The following REC114 variants were observed in gnomAD, a reference collection of about 807,000 sequenced individuals.
REC114 encodes REC114 meiotic recombination protein.
Under a neutral mutation model 31.3 loss-of-function variants are expected in REC114, and 27 were observed. That is an observed-to-expected ratio of 0.86 (90% CI 0.64 to 1.19). REC114 has a LOEUF of 1.19. Ranked by LOEUF, REC114 falls within the 50% of genes most tolerant of loss-of-function variation. The pLI is 0.00. For missense variants in REC114, 344 were observed against 326.9 expected (o/e 1.05, Z -0.40); for synonymous variants, 134 against 127.7 (o/e 1.05, Z -0.33).
chr15:73,519,470 A>C (rs1252965068), intron 2 of REC114, among the ~76,000 whole-genome samples: 2 of 152,234 alleles, frequency 1.3e-5, no homozygotes, highest in Non-Finnish European at 2.9e-5. Flanking sequence ...AGCAGCTAGA[A>C]TGGACTAAGA....
intron 1 of REC114, among the ~76,000 whole-genome samples, chr15:73,451,262 G>A (rs1218715794): frequency 2.0e-5 from 3 of 152,080 alleles, no homozygotes. Flanking sequence ...AAAAGGAGTA[G>A]AATTAAATAG....
intron 2 of REC114, among the ~76,000 whole-genome samples, chr15:73,478,054 AG>A (rs1377199989): frequency 6.6e-6 from 1 of 152,000 alleles, no homozygotes; most frequent in African/African-American, 2.4e-5. Flanking sequence ...ACCTGAGATC[AG>A]GAGTTCGAGA....
intron 1 of REC114, among the ~76,000 whole-genome samples, chr15:73,458,052 G>A (rs1892940610): frequency 6.6e-6 from 1 of 152,160 alleles, no homozygotes; most frequent in South Asian, 2.1e-4. Flanking sequence ...CCTGTGCTAG[G>A]CCTACTGAAT....
chr15:73,538,104 A>T (rs2141328722), intron 2 of REC114, among the ~76,000 whole-genome samples: 1 of 152,340 alleles, frequency 6.6e-6, no homozygotes, highest in Admixed American at 6.5e-5. Flanking sequence ...TTTAAATTTA[A>T]TTTAATTTAA....
At chr15:73,545,393 C>G (rs2141332686) in intron 3 of REC114, among the ~76,000 whole-genome samples, 1 of 152,314 alleles carries the variant, frequency 6.6e-6, no homozygotes, top group Non-Finnish European at 1.5e-5. Context: ...TCAAGACTTT[C>G]AATCTTTAGC....
intron 4 of REC114, among the ~76,000 whole-genome samples, chr15:73,555,457 C>T (rs1894452244): frequency 6.6e-6 from 1 of 152,172 alleles, no homozygotes; most frequent in African/African-American, 2.4e-5. Flanking sequence ...CCATGTCCTA[C>T]CCGAGAACAA....
At chr15:73,449,283 C>A (rs1892811902) in intron 1 of REC114, among the ~76,000 whole-genome samples, 1 of 152,062 alleles carries the variant, frequency 6.6e-6, no homozygotes, top group Non-Finnish European at 1.5e-5. Flanking sequence ...CTAGAATAAC[C>A]TGTTTAGAAA....
intron 1 of REC114, among the ~76,000 whole-genome samples, chr15:73,448,576 G>T (rs1892800415): frequency 6.6e-6 from 1 of 152,226 alleles, no homozygotes; most frequent in Non-Finnish European, 1.5e-5. Context: ...CACAGCTTCA[G>T]CAGACTTAAA....
rs534874520 is a variant in REC114, at chr15:73,532,619, T to C, written c.250-7866T>C. Among the ~76,000 whole-genome samples, 7 of 152,238 alleles carry C rather than the reference T, an allele frequency of 4.6e-5. No homozygotes were observed. The East Asian group carries it at 1.4e-3, about 29-fold the overall frequency. On this transcript the variant is annotated intron_variant, in intron 2 of 5. Coordinates refer to ENST00000331090, the MANE Select transcript of REC114 (RefSeq NM_001042367.2). Reference sequence around the variant, plus strand: ...CCCACCAACAGTGTAAAAGTGTTCCTATTTCTCCACATCCTCTCCAGCACT... The same window carrying C: ...CCCACCAACAGTGTAAAAGTGTTCCCATTTCTCCACATCCTCTCCAGCACT...
chr15:73,481,951 G>A (rs538720846), intron 2 of REC114, among the ~76,000 whole-genome samples: 5 of 152,096 alleles, frequency 3.3e-5, no homozygotes, highest in East Asian at 3.9e-4. Context: ...GAGCCACTGC[G>A]CCTGGCCTAT....
At chr15:73,463,152 A>G (rs1893013315) in intron 1 of REC114, among the ~76,000 whole-genome samples, 1 of 152,186 alleles carries the variant, frequency 6.6e-6, no homozygotes, top group African/African-American at 2.4e-5. Context: ...AACATGGCCA[A>G]AAATTGTGAT....
intron 2 of REC114, among the ~76,000 whole-genome samples, chr15:73,540,138 T>A (rs1379188024): frequency 6.6e-6 from 1 of 152,186 alleles, no homozygotes; most frequent in Non-Finnish European, 1.5e-5. Context: ...ATGGAACCCT[T>A]GATTTGGGGG....
chr15:73,516,991 C>A (rs1893867396), intron 2 of REC114, among the ~76,000 whole-genome samples: 1 of 152,202 alleles, frequency 6.6e-6, no homozygotes. Context: ...CGATTTCATT[C>A]ATCCCAAAAT....
intron 2 of REC114, among the ~76,000 whole-genome samples, chr15:73,502,487 ATTC>A (rs1216575508): frequency 1.3e-5 from 2 of 152,216 alleles, no homozygotes; most frequent in African/African-American, 4.8e-5. Flanking sequence ...TACATACTGT[ATTC>A]TTATGATAAA....
chr15:73,473,128 G>T (rs764041202), intron 1 of REC114, among the ~76,000 whole-genome samples: 9 of 152,108 alleles, frequency 5.9e-5, no homozygotes, highest in Non-Finnish European at 1.2e-4. Flanking sequence ...GATGGCTCAC[G>T]CCTGTAATCC....
intron 3 of REC114, 134 bp downstream of exon 3, chr15:73,540,702 G>GA: frequency 1.3e-6 from 1 of 765,840 alleles, no homozygotes; most frequent in South Asian, 1.6e-5. Flanking sequence ...TGTACTATGA[G>GA]AAAAACATGA....
At chr15:73,517,308 ATCTC>A (rs1009862154) in intron 2 of REC114, among the ~76,000 whole-genome samples, 1 of 152,246 alleles carries the variant, frequency 6.6e-6, no homozygotes, top group African/African-American at 2.4e-5. Context: ...TAAAAAAGGT[ATCTC>A]TCAAACAAAG....
chr15:73,552,287 A>C (rs1894403893), intron 4 of REC114, among the ~76,000 whole-genome samples: 1 of 152,198 alleles, frequency 6.6e-6, no homozygotes. Flanking sequence ...GTGAGGCCAG[A>C]TTTTCTTCAT....
At chr15:73,512,842 G>GAAA (rs1030629495) in intron 2 of REC114, among the ~76,000 whole-genome samples, 7 of 145,750 alleles carry the variant, frequency 4.8e-5, no homozygotes, top group Non-Finnish European at 8.9e-5. Flanking sequence ...TTCCCTTTGA[G>GAAA]GGTAACCCGA....
Sources: gnomAD v4.1 joint callset for allele counts (sites outside exome capture counted in the v4.1 genomes callset) on GRCh38, gnomAD v4.1.1 for gene constraint, MANE v1.5 for transcripts, NCBI Gene and HGNC (gene_info 2026-07-23, HGNC 2026-07-21) for gene names.